Variants in NHLRC2 observed in about 807,000 individuals in gnomAD.
NHLRC2 encodes the protein NHL repeat-containing protein 2.
In NHLRC2, 33 loss-of-function variants were observed where a neutral mutation model predicts 68.1. The observed-to-expected ratio is 0.48, with a 90% CI of 0.37 to 0.65. NHLRC2 has a LOEUF of 0.65. NHLRC2 is among the 30% of genes least tolerant of loss of function. The pLI is 0.00. For synonymous variants in NHLRC2, 311 were observed against 309.6 expected (o/e 1.00, Z -0.05); for missense variants, 761 against 853.8 (o/e 0.89, Z 1.35).
chr10:113,876,673 T>C lies in NHLRC2; in HGVS notation c.484T>C (p.Trp162Arg). The stretch of plus-strand genomic sequence containing the variant: ...TTGGCAAGAACTAGAAGTTTCCTGC[T>C]GGCCAACTCTAGTCATACTTGGACC... ...SLWQELEVSC[W>R]PTLVILGPRG... Residue 162 changes from tryptophan to arginine, a missense_variant, in exon 3 of 11, where the codon TGG becomes CGG. Transcript: ENST00000369301. 1 of 1,614,002 alleles carries C rather than the reference T, an allele frequency of 6.2e-7. No individual in the cohort carries two copies. The highest frequency in any genetic ancestry group is 8.5e-7 in the Non-Finnish European group (1 of 1,179,910).
At chr10:113,873,763 A>G (rs1355940643) in intron 2 of NHLRC2, among the ~76,000 whole-genome samples, 1 of 152,196 alleles carries the variant, frequency 6.6e-6, no homozygotes, top group Non-Finnish European at 1.5e-5. Context: ...ACTGAAACCC[A>G]TGTAAGCTTT....
chr10:113,879,505 A>G, intron 3 of NHLRC2, 69 bp from the exon 4 acceptor site: 2 of 1,316,536 alleles, frequency 1.5e-6, no homozygotes, highest in Non-Finnish European at 2.1e-6. Context: ...ATTAAATACA[A>G]GTTTGTTTTG....
intron 1 of NHLRC2, 121 bp downstream of exon 1, chr10:113,855,171 C>T (rs1239627847): frequency 1.4e-5 from 12 of 849,414 alleles, no homozygotes; most frequent in African/African-American, 1.2e-4. Context: ...GGGAGTGGCC[C>T]TTCGCCTAAC....
In NHLRC2 at chr10:113,913,406, G is replaced by T. The variant is rs1311854719; in HGVS notation, c.*4870G>T. The T allele has an allele frequency of 6.6e-6, 1 of 152,122 alleles. No individual in the cohort carries two copies. Among genetic ancestry groups the T allele is most frequent in the African/African-American group, 2.4e-5 (1 of 41,414 alleles). The allele number at this position is 152,122 out of a possible 1,614,324, so 9.4% of individuals were successfully genotyped here. ...ATACTGTTATTCAGACCTTGGAACA[G>T]TCTATAATTGTTTGTCAAAAGATTT... On this transcript the variant is annotated 3_prime_UTR_variant, in exon 11 of 11. Transcript: ENST00000369301.
intron 10 of NHLRC2, among the ~76,000 whole-genome samples, chr10:113,906,569 CAT>C (rs1007807595): frequency 1.3e-5 from 2 of 150,682 alleles, no homozygotes; most frequent in Non-Finnish European, 1.5e-5. Flanking sequence ...AAAAGCACCA[CAT>C]GTGTTGTAAC....
Position 113,892,065 on chromosome 10 carries a change from T to G in NHLRC2, c.1040-6045T>G, listed in dbSNP as rs141449688. Among the ~76,000 whole-genome samples, 100 of 152,340 alleles carry G rather than the reference T, an allele frequency of 6.6e-4. No individual in the cohort carries two copies. In the East Asian group the frequency reaches 9.8e-3, roughly 15 times the overall value. On this transcript the variant is annotated intron_variant, in intron 5 of 10. Transcript: ENST00000369301. ...GGCTTTGCTGCCCTTCCCTAGTGGCTTAAGACTTTGATTCATAAGAGGTTT... is the reference window on the plus strand; with the variant it reads ...GGCTTTGCTGCCCTTCCCTAGTGGCGTAAGACTTTGATTCATAAGAGGTTT...
chr10:113,867,361 T>G (rs899872490), intron 2 of NHLRC2, among the ~76,000 whole-genome samples: 1 of 152,256 alleles, frequency 6.6e-6, no homozygotes, highest in Non-Finnish European at 1.5e-5. Flanking sequence ...TATGAAAACA[T>G]TGCCAATTTA....
chr10:113,872,691 T>C (rs1845938780), intron 2 of NHLRC2, among the ~76,000 whole-genome samples: 1 of 140,332 alleles, frequency 7.1e-6, no homozygotes, highest in South Asian at 2.2e-4. Context: ...CAAGGGACAA[T>C]AAATTTGTAT....
chr10:113,863,038 TTAA>T (rs1196319364), intron 2 of NHLRC2, among the ~76,000 whole-genome samples: 7 of 152,246 alleles, frequency 4.6e-5, no homozygotes, highest in South Asian at 2.1e-4. Flanking sequence ...AAACAGGCAC[TTAA>T]TAACAGACAA....
At chr10:113,869,005 A>G (rs1159665195) in intron 2 of NHLRC2, among the ~76,000 whole-genome samples, 1 of 152,148 alleles carries the variant, frequency 6.6e-6, no homozygotes, top group Admixed American at 6.5e-5. Flanking sequence ...TTGTTATACT[A>G]GGAACAATTG....
chr10:113,867,034 TGGGGGC>T (rs1323346332), intron 2 of NHLRC2, among the ~76,000 whole-genome samples: 1 of 152,184 alleles, frequency 6.6e-6, no homozygotes, highest in Non-Finnish European at 1.5e-5. Context: ...AGGCTTTTAT[TGGGGGC>T]TGGTCATGTA....
At position 113,911,123 on chromosome 10, in the gene NHLRC2, G is replaced by A. The variant is rs1470167138; in HGVS notation, c.*2587G>A. On this transcript the variant is annotated 3_prime_UTR_variant, in exon 11 of 11. Transcript: ENST00000369301. ...AGTTTAAAAAGAACAAGATTTTAGTGTAAGTCACCTCACTTGAAATGCCAG... is the reference window on the plus strand; with the variant it reads ...AGTTTAAAAAGAACAAGATTTTAGTATAAGTCACCTCACTTGAAATGCCAG... 2 of 152,098 alleles carry A rather than the reference G, an allele frequency of 1.3e-5. No individual in the cohort carries two copies. Among genetic ancestry groups the A allele is most frequent in the African/African-American group, 4.8e-5 (2 of 41,442 alleles). 9.4% of individuals were successfully genotyped at this position (152,098 alleles called of 1,614,324 possible). A position where few individuals can be genotyped will look rare whatever the true frequency, so the allele number is the denominator to read the frequency against.
chr10:113,857,373 A>G (rs906876171), intron 1 of NHLRC2, among the ~76,000 whole-genome samples: 1 of 152,154 alleles, frequency 6.6e-6, no homozygotes, highest in African/African-American at 2.4e-5. Flanking sequence ...TTTTAACAAA[A>G]TGGATAATTA....
chr10:113,903,611 A>G lies in NHLRC2; in HGVS notation c.1579A>G (p.Thr527Ala), dbSNP rs763562616. The G allele has an allele frequency of 1.2e-6, 2 of 1,611,298 alleles. No individual in the cohort carries two copies. Among genetic ancestry groups the G allele is most frequent in the South Asian group, 1.1e-5 (1 of 91,016 alleles). The change falls in exon 9 of 11, where the codon ACA becomes GCA. Residue 527 changes from threonine to alanine, a missense_variant. Thr to Ala is a moderately conservative substitution (Grantham distance 58). Transcript: ENST00000369301. ...AAATAATGTTACCAGTTCCAGTTTTACAGAGTCAACTTTTAATGAACCAGG... is the reference window on the plus strand; with the variant it reads ...AAATAATGTTACCAGTTCCAGTTTTGCAGAGTCAACTTTTAATGAACCAGG... ...DTNNVTSSSF[T>A]ESTFNEPGGL...
At chr10:113,859,308 C>G (rs191976560) in intron 2 of NHLRC2, among the ~76,000 whole-genome samples, 1 of 151,548 alleles carries the variant, frequency 6.6e-6, no homozygotes, top group Admixed American at 6.6e-5. Context: ...TGTCTACTTT[C>G]TAAAAAAAGA....
At position 113,876,898 on chromosome 10, in the gene NHLRC2, A is replaced by G. The variant is rs1425854271; in HGVS notation, c.709A>G (p.Arg237Gly). 3 of 1,612,996 alleles carry G rather than the reference A, an allele frequency of 1.9e-6. No homozygotes were observed. The highest frequency in any genetic ancestry group is 2.5e-6 in the Non-Finnish European group (3 of 1,179,604). The change falls in exon 3 of 11, where the codon AGA becomes GGA. Residue 237 changes from arginine (R) to glycine (G), a missense_variant. Physicochemically the swap from Arg to Gly is moderately radical, Grantham distance 125. Transcript: ENST00000369301. Reference protein sequence around the residue: ...GKVTVDQVTDRLVIADTGHHR... With the variant: ...GKVTVDQVTDGLVIADTGHHR... ...AGTAACAGTAGACCAAGTTACTGAT[A>G]GATTGGTAATAGCAGACACTGGACA...
At chr10:113,895,064 T>C (rs1176615428) in intron 5 of NHLRC2, among the ~76,000 whole-genome samples, 2 of 152,214 alleles carry the variant, frequency 1.3e-5, no homozygotes, top group African/African-American at 2.4e-5. Flanking sequence ...CCATCAAATA[T>C]CCACAGCATT....
chr10:113,893,545 A>G (rs575269021), intron 5 of NHLRC2, among the ~76,000 whole-genome samples: 5 of 152,262 alleles, frequency 3.3e-5, no homozygotes, highest in African/African-American at 7.2e-5. Flanking sequence ...CTGGGTGATG[A>G]TTATCATTAT....
chr10:113,875,030 T>C (rs1265457026), intron 2 of NHLRC2, among the ~76,000 whole-genome samples: 1 of 151,928 alleles, frequency 6.6e-6, no homozygotes, highest in African/African-American at 2.4e-5. Context: ...TATCTTGGCA[T>C]CGGTATCTGT....
Sources: allele counts gnomAD v4.1 joint callset (sites outside exome capture counted in the v4.1 genomes callset), GRCh38; gene constraint gnomAD v4.1.1; transcripts MANE v1.5; gene names NCBI Gene and HGNC (gene_info 2026-07-23, HGNC 2026-07-21).